PDE4D: variants seen among roughly 807,000 people sequenced by gnomAD.
PDE4D encodes 3',5'-cyclic-AMP phosphodiesterase 4D.
PDE4D carries 24 observed loss-of-function variants against 87.4 expected under a neutral mutation model. The ratio of observed to expected loss-of-function variants is 0.27; its 90% CI spans 0.20 to 0.39. PDE4D has a LOEUF of 0.39. Ranked by LOEUF, PDE4D falls within the 10% of genes least tolerant of loss-of-function variation. The pLI, the probability that PDE4D is intolerant of heterozygous loss-of-function variation, is 1.00. For missense variants in PDE4D, 714 were observed against 1,041.0 expected (o/e 0.69, Z 4.32); for synonymous variants, 384 against 383.2 (o/e 1.00, Z -0.02).
intron 1 of PDE4D, among the ~76,000 whole-genome samples, chr5:59,627,409 A>C (rs1358167059): frequency 2.0e-5 from 3 of 152,210 alleles, no homozygotes; most frequent in Admixed American, 2.0e-4. Context: ...TTCTTTTTCC[A>C]AAACTGGAGC....
intron 1 of PDE4D, among the ~76,000 whole-genome samples, chr5:59,503,138 A>G (rs1334676198): frequency 6.6e-6 from 1 of 152,104 alleles, no homozygotes; most frequent in Non-Finnish European, 1.5e-5. Flanking sequence ...AAAAAAGGTT[A>G]GGCTACAATA....
intron 1 of PDE4D, among the ~76,000 whole-genome samples, chr5:59,361,865 G>A (rs1313259339): frequency 6.6e-6 from 1 of 152,128 alleles, no homozygotes; most frequent in East Asian, 1.9e-4. Context: ...TCTTATATGT[G>A]CCTAAATAGG....
chr5:60,458,009 T>C (rs1471181827), intron 1 of PDE4D, among the ~76,000 whole-genome samples: 2 of 152,232 alleles, frequency 1.3e-5, no homozygotes, highest in Non-Finnish European at 2.9e-5. Flanking sequence ...ACTGGAGCTA[T>C]GAGCCATCCA....
intron 1 of PDE4D, among the ~76,000 whole-genome samples, chr5:59,407,105 G>A (rs1791812870): frequency 6.6e-6 from 1 of 152,190 alleles, no homozygotes; most frequent in Non-Finnish European, 1.5e-5. Context: ...ATGTTGAGAT[G>A]TAATCCTCAG....
intron 11 of PDE4D, among the ~76,000 whole-genome samples, chr5:58,978,948 TATTGAAAGGAAGG>T (rs544236794): frequency 3.9e-5 from 6 of 152,240 alleles, no homozygotes; most frequent in African/African-American, 1.4e-4. Context: ...AACAAACATA[TATTGAAAGGAAGG>T]CATAATTATT....
intron 6 of PDE4D, among the ~76,000 whole-genome samples, chr5:59,003,978 AATCC>A (rs1751055192): frequency 1.3e-5 from 2 of 150,290 alleles, no homozygotes; most frequent in African/African-American, 2.4e-5. Flanking sequence ...AAAAAAAAAA[AATCC>A]ATCCATCCAT....
intron 2 of PDE4D, among the ~76,000 whole-genome samples, chr5:60,126,367 AT>A (rs561252077): frequency 1.1e-4 from 16 of 151,984 alleles, no homozygotes; most frequent in South Asian, 6.2e-4. Context: ...TAATCTACTT[AT>A]TTTTTTTCAT....
chr5:60,003,757 T>C (rs1764225059), intron 2 of PDE4D, among the ~76,000 whole-genome samples: 1 of 148,246 alleles, frequency 6.7e-6, no homozygotes, highest in Non-Finnish European at 1.5e-5. Context: ...GTTGGAAGCG[T>C]CATACTCCCT....
At chr5:60,080,985 T>C (rs553262446) in intron 2 of PDE4D, among the ~76,000 whole-genome samples, 1 of 152,330 alleles carries the variant, frequency 6.6e-6, no homozygotes, top group East Asian at 1.9e-4. Context: ...TCTGGTAGAA[T>C]TCAGCTGGGA....
Position 59,260,211 on chromosome 5 carries a change from A to G in PDE4D, c.456-44243T>C, listed in dbSNP as rs145053415. Among the ~76,000 whole-genome samples the G allele has an allele frequency of 3.3e-3, 497 of 151,930 alleles. 4 individuals are homozygous for G. The highest frequency in any genetic ancestry group is 4.1e-3 in the East Asian group (21 of 5,164). ...AGAAATCAAAGACTGTAAAGCAACTATTTATTCAGAAACATTTCAGAAGAC... is the reference window on the plus strand; with the variant it reads ...AGAAATCAAAGACTGTAAAGCAACTGTTTATTCAGAAACATTTCAGAAGAC... On this transcript the variant is annotated intron_variant, in intron 1 of 14. Coordinates refer to ENST00000340635, the MANE Select transcript of PDE4D (RefSeq NM_001104631.2).
At chr5:59,870,236 A>G (rs1347382987) in intron 1 of PDE4D, among the ~76,000 whole-genome samples, 1 of 152,254 alleles carries the variant, frequency 6.6e-6, no homozygotes, top group African/African-American at 2.4e-5. Flanking sequence ...AAAACAAGTT[A>G]AACAGAATTA....
In PDE4D at chr5:59,758,233, A is replaced by G. The variant is rs958873045; in HGVS notation, c.455+134935T>C. Among the ~76,000 whole-genome samples, 45 of 152,148 alleles carry G rather than the reference A, an allele frequency of 3.0e-4. 1 individual carries two copies. The highest frequency in any genetic ancestry group is 7.2e-5 in the African/African-American group (3 of 41,438). ...ACTTTTTCTGGGCCTCAGCAGCTGC[A>G]TATGTAAAGTACGGTTAACAATACT... is the stretch of plus-strand genomic sequence containing the variant. On this transcript the variant is annotated intron_variant, in intron 1 of 14. Coordinates refer to ENST00000340635, the MANE Select transcript of PDE4D (RefSeq NM_001104631.2).
At chr5:60,517,074 T>G (rs1291524966) in intron 1 of PDE4D, among the ~76,000 whole-genome samples, 2 of 152,114 alleles carry the variant, frequency 1.3e-5, no homozygotes, top group African/African-American at 4.8e-5. Context: ...CTCTCCCCAC[T>G]CCTAGCTCCC....
At chr5:59,726,575 C>T (rs1454689728) in intron 1 of PDE4D, among the ~76,000 whole-genome samples, 1 of 152,110 alleles carries the variant, frequency 6.6e-6, no homozygotes, top group South Asian at 2.1e-4. Context: ...AATTTCAGAA[C>T]TTTCAGCCTC....
At chr5:60,431,869 G>A (rs901355886) in intron 1 of PDE4D, among the ~76,000 whole-genome samples, 6 of 152,244 alleles carry the variant, frequency 3.9e-5, no homozygotes, top group Non-Finnish European at 7.3e-5. Flanking sequence ...TTAGGAGCTG[G>A]AGACCAGCCC....
intron 1 of PDE4D, among the ~76,000 whole-genome samples, chr5:59,483,528 A>G (rs1422931564): frequency 6.6e-6 from 1 of 151,966 alleles, no homozygotes; most frequent in African/African-American, 2.4e-5. Context: ...TTACAATTTT[A>G]TTTTTTAGGG....
At chr5:60,460,030 G>A in intron 1 of PDE4D, 1 of 1,371,984 alleles carries the variant, frequency 7.3e-7, no homozygotes, top group East Asian at 2.3e-5. Context: ...GTACTGTAAT[G>A]AGTTTGACCA....
intron 2 of PDE4D, among the ~76,000 whole-genome samples, chr5:60,045,588 C>T (rs1471380438): frequency 2.6e-5 from 4 of 152,152 alleles, no homozygotes; most frequent in African/African-American, 9.7e-5. Flanking sequence ...TATGGCTAGC[C>T]AGTTTTCCCA....
At chr5:59,389,451 A>G (rs567215041) in intron 1 of PDE4D, among the ~76,000 whole-genome samples, 2 of 152,082 alleles carry the variant, frequency 1.3e-5, no homozygotes, top group African/African-American at 4.8e-5. Flanking sequence ...ATTTTATTTG[A>G]TGCTGGGAAG....
Sources: allele counts gnomAD v4.1 joint callset (sites outside exome capture counted in the v4.1 genomes callset), GRCh38; gene constraint gnomAD v4.1.1; transcripts MANE v1.5; gene names NCBI Gene and HGNC (gene_info 2026-07-23, HGNC 2026-07-21).